The following SLC9A3 variants were observed in gnomAD, a reference collection of about 807,000 sequenced individuals.
The protein encoded by SLC9A3 is solute carrier family 9 member A3.
In SLC9A3, 37 loss-of-function variants were observed where a neutral mutation model predicts 86.8. The ratio of observed to expected loss-of-function variants is 0.43; its 90% CI spans 0.33 to 0.56. The LOEUF is 0.56. SLC9A3 is among the 20% of genes least tolerant of loss of function. The pLI, the probability that SLC9A3 is intolerant of heterozygous loss-of-function variation, is 0.06. For synonymous variants in SLC9A3, 581 were observed against 528.3 expected, an observed-to-expected ratio of 1.10 and a Z score of -1.37; for missense variants, 1,011 against 1,171.9, an observed-to-expected ratio of 0.86 and a Z score of 2.00.
chr5:478,033 C>G (rs779738171), intron 10 of SLC9A3: 1 of 152,700 alleles, frequency 6.5e-6, no homozygotes, highest in South Asian at 2.1e-4. Flanking sequence ...TCCCCAGGGC[C>G]GGCAGGGGCA....
At chr5:489,004 C>T (rs529433152) in intron 2 of SLC9A3, among the ~76,000 whole-genome samples, 2 of 152,316 alleles carry the variant, frequency 1.3e-5, no homozygotes, top group South Asian at 4.1e-4. Context: ...TGGTCCCTAG[C>T]TCCCGGCCGG....
intron 1 of SLC9A3, among the ~76,000 whole-genome samples, chr5:507,441 T>G (rs1311447383): frequency 6.6e-6 from 1 of 151,808 alleles, no homozygotes; most frequent in African/African-American, 2.4e-5. Context: ...AATTTTACTA[T>G]TTTTTGTAGA....
rs943835589 is a variant in SLC9A3 at position 497,463 on chromosome 5, T to A, written c.212-5392A>T. On this transcript the variant is annotated intron_variant, in intron 1 of 16. Coordinates refer to ENST00000264938, the MANE Select transcript of SLC9A3 (RefSeq NM_004174.4). The surrounding 1 kb of genome is among the most constrained non-coding windows in gnomAD (Gnocchi z 5.4). ...TCTGAGCCTGTCTGGGCACCGGGAC[T>A]GCTGTGAAGGACACAGTCAGCCGGA... 6.6e-6 allele frequency among the ~76,000 whole-genome samples: 1 copy of A among 152,208 alleles called. No individual in the cohort carries two copies. The highest frequency in any genetic ancestry group is 1.5e-5 in the Non-Finnish European group (1 of 68,024).
In SLC9A3 at chr5:524,354, C is replaced by T; in HGVS notation, c.-32G>A. ...CTGCTCAGCGCAGGGCTGGGACGCGCATGTCGCGGGGGGTCCCGGCTGGGC... is the reference window on the plus strand; with the variant it reads ...CTGCTCAGCGCAGGGCTGGGACGCGTATGTCGCGGGGGGTCCCGGCTGGGC... On this transcript the variant is annotated 5_prime_UTR_variant, in exon 1 of 17. It removes an upstream start codon present in the reference 5' UTR. Transcript: ENST00000264938. 4 of 1,044,930 alleles carry T rather than the reference C, an allele frequency of 3.8e-6. No homozygotes were observed. Among genetic ancestry groups the T allele is most frequent in the Non-Finnish European group, 4.8e-6 (4 of 832,238 alleles). 64.7% of individuals were successfully genotyped at this position (1,044,930 alleles called of 1,614,324 possible).
At position 473,337 on chromosome 5, in the gene SLC9A3, C is replaced by G; in HGVS notation, c.*42G>C. 1 of 1,412,354 alleles carries G rather than the reference C, an allele frequency of 7.1e-7. No individual in the cohort carries two copies. Among genetic ancestry groups the G allele is most frequent in the South Asian group, 1.5e-5 (1 of 68,198 alleles). The allele number at this position is 1,412,354 out of a possible 1,614,324, so 87.5% of individuals were successfully genotyped here. Reference sequence around the variant, plus strand: ...GGCGGCGGCGGTGGGCGGACCGTGGCGCGGGGACGAGCGGCCGGTTAGCGG... The same window carrying G: ...GGCGGCGGCGGTGGGCGGACCGTGGGGCGGGGACGAGCGGCCGGTTAGCGG... On this transcript the variant is annotated 3_prime_UTR_variant, in exon 17 of 17. Transcript: ENST00000264938.
At chr5:516,827 G>A (rs1011308562) in intron 1 of SLC9A3, among the ~76,000 whole-genome samples, 2 of 152,214 alleles carry the variant, frequency 1.3e-5, no homozygotes, top group Non-Finnish European at 2.9e-5. Context: ...GGCAGGCGGC[G>A]CCTCTAAAGC....
intron 7 of SLC9A3, 44 bp downstream of exon 7, chr5:482,504 G>C (rs777124106): frequency 1.3e-6 from 2 of 1,518,030 alleles, no homozygotes; most frequent in African/African-American, 1.4e-5. Context: ...GGCTCCCCTC[G>C]CGGGCGGGGC....
intron 1 of SLC9A3, among the ~76,000 whole-genome samples, chr5:511,170 C>T (rs1020665448): frequency 6.6e-6 from 1 of 152,142 alleles, no homozygotes; most frequent in Non-Finnish European, 1.5e-5. Flanking sequence ...TCACTGTTCT[C>T]GGATGGCAAG....
chr5:471,944 C>G lies in SLC9A3; in HGVS notation c.*1435G>C, dbSNP rs776634519. 1.2e-4 allele frequency: 53 copies of G among 456,576 alleles called. No individual in the cohort carries two copies. Among genetic ancestry groups the G allele is most frequent in the African/African-American group, 6.8e-4 (34 of 50,084 alleles). The allele number at this position is 456,576 out of a possible 1,614,324, so 28.3% of individuals were successfully genotyped here. A position where few individuals can be genotyped will look rare whatever the true frequency, so the allele number is the denominator to read the frequency against. Reference sequence around the variant, plus strand: ...AAAACTCTTTAAGAACTCCTCCTGACTGGTGACTGTCAACACTTGATCTGA... The same window carrying G: ...AAAACTCTTTAAGAACTCCTCCTGAGTGGTGACTGTCAACACTTGATCTGA... On this transcript the variant is annotated 3_prime_UTR_variant, in exon 17 of 17. Transcript: ENST00000264938.
Position 475,780 on chromosome 5 carries a change from C to T in SLC9A3, c.2141-109G>A, listed in dbSNP as rs45521339. 0.1 allele frequency: 73,119 copies of T among 731,890 alleles called. 4,038 individuals carry two copies. The highest frequency in any genetic ancestry group is 0.15 in the African/African-American group (8,740 of 56,822). The allele number at this position is 731,890 out of a possible 1,614,324, so 45.3% of individuals were successfully genotyped here. ...GCACAGAGGTGCAGGCAGTCGGGACCCACAGAGAGGAGGGCTAAACCGCAG... is the reference window on the plus strand; with the variant it reads ...GCACAGAGGTGCAGGCAGTCGGGACTCACAGAGAGGAGGGCTAAACCGCAG... On this transcript the variant is annotated intron_variant, in intron 14 of 16. Coordinates refer to ENST00000264938, the MANE Select transcript of SLC9A3 (RefSeq NM_004174.4).
At chr5:481,682 G>A (rs1389673571) in intron 8 of SLC9A3, 47 bp from the exon 9 acceptor site, 9 of 1,500,824 alleles carry the variant, frequency 6.0e-6, no homozygotes, top group East Asian at 4.5e-5. Flanking sequence ...GCCAACCGGG[G>A]AACATGAGGT....
chr5:502,538 C>T (rs961398665), intron 1 of SLC9A3, among the ~76,000 whole-genome samples: 4 of 152,190 alleles, frequency 2.6e-5, no homozygotes, highest in South Asian at 2.1e-4. Flanking sequence ...TCACGAGACA[C>T]GTGAAGTGGG....
At position 477,501 on chromosome 5, in the gene SLC9A3, C is replaced by A. The variant is rs1015082373; in HGVS notation, c.1648-57G>T. On this transcript the variant is annotated intron_variant, in intron 10 of 16. Transcript: ENST00000264938. ...TGAGCAGCCAAGCCCTAGCTGCTGC[C>A]ATTGTGTGCCCTGGGGGGAAGCGCC... The A allele has an allele frequency of 6.9e-6, 9 of 1,301,314 alleles. No homozygotes were observed. The African/African-American group carries it at 1.3e-4, about 19-fold the overall frequency. 80.6% of individuals were successfully genotyped at this position (1,301,314 alleles called of 1,614,324 possible).
At chr5:511,347 T>C (rs907524545) in intron 1 of SLC9A3, among the ~76,000 whole-genome samples, 1 of 152,218 alleles carries the variant, frequency 6.6e-6, no homozygotes, top group Non-Finnish European at 1.5e-5. Context: ...TTGGACTTTA[T>C]TAAAATTAAA....
Position 482,665 on chromosome 5 carries a change from GC to G in SLC9A3, c.1238del (p.Gly413AlafsTer32). ...PIDQVVLSYG[G>X]LRGAVAFALV... Reference sequence around the variant, plus strand: ...GGGCAAAGGCCACGGCCCCGCGCAGGCCCCCGTAGGACAGGACCACCTGGTC... The same window carrying G: ...GGGCAAAGGCCACGGCCCCGCGCAGGCCCCGTAGGACAGGACCACCTGGTC... On this transcript the variant is annotated frameshift_variant, in exon 7 of 17. Transcript: ENST00000264938. LOFTEE classifies it high-confidence loss of function. 2 of 1,612,414 alleles carry G rather than the reference GC, an allele frequency of 1.2e-6. No homozygotes were observed. The highest frequency in any genetic ancestry group is 1.7e-6 in the Non-Finnish European group (2 of 1,179,806).
At chr5:507,466 T>C (rs1740652619) in intron 1 of SLC9A3, among the ~76,000 whole-genome samples, 2 of 151,800 alleles carry the variant, frequency 1.3e-5, no homozygotes, top group Admixed American at 1.3e-4. Context: ...TTTTTCACCA[T>C]GTTGCCCATG....
intron 16 of SLC9A3, among the ~76,000 whole-genome samples, chr5:473,998 T>G (rs1738551926): frequency 6.6e-6 from 1 of 152,144 alleles, no homozygotes; most frequent in South Asian, 2.1e-4. Context: ...CTCAGCTCCG[T>G]GGGAGCAGCA....
At chr5:504,888 G>T (rs569081936) in intron 1 of SLC9A3, among the ~76,000 whole-genome samples, 1 of 151,912 alleles carries the variant, frequency 6.6e-6, no homozygotes, top group Non-Finnish European at 1.5e-5. Flanking sequence ...TAGCAAAGTG[G>T]CTCCCAGACC....
intron 1 of SLC9A3, among the ~76,000 whole-genome samples, chr5:500,702 AGTGTGGATGGGGCTG>A (rs1386170057): frequency 2.4e-5 from 1 of 41,182 alleles, no homozygotes; most frequent in Non-Finnish European, 3.9e-5. Flanking sequence ...GGATGGGGCC[AGTGTGGATGGGGCTG>A]GTGGGTGTGG....
Sources: gnomAD v4.1 joint callset for allele counts (sites outside exome capture counted in the v4.1 genomes callset) on GRCh38, gnomAD v4.1.1 for gene constraint, Gnocchi (gnomAD v3.1) non-coding constraint, MANE v1.5 for transcripts, NCBI Gene and HGNC (gene_info 2026-07-23, HGNC 2026-07-21) for gene names.